Variants in TENM1 observed in about 807,000 individuals in gnomAD.
TENM1 encodes the protein teneurin-1.
In TENM1, 35 loss-of-function variants were observed where a neutral mutation model predicts 174.8. The observed-to-expected ratio is 0.20, with a 90% CI of 0.15 to 0.27. The LOEUF is 0.27. Ranked by LOEUF, TENM1 falls within the 10% of genes least tolerant of loss-of-function variation. The pLI, the probability that TENM1 is intolerant of heterozygous loss-of-function variation, is 1.00. For synonymous variants in TENM1, 781 were observed against 798.7 expected (o/e 0.98, Z 0.37); for missense variants, 1,633 against 2,130.1 (o/e 0.77, Z 4.59).
At chrX:124,508,538 T>TATC (rs1414954801) in intron 18 of TENM1, among the ~76,000 whole-genome samples, 1 of 112,191 alleles carries the variant, frequency 8.9e-6, no homozygotes, top group African/African-American at 3.2e-5. Context: ...ATCTTTACCC[T>TATC]ATCTATTTAC....
At chrX:125,142,024 G>A in the TENM1 span, among the ~76,000 whole-genome samples, 1 of 111,720 alleles carries the variant, frequency 9.0e-6, no homozygotes, top group Non-Finnish European at 1.9e-5. Context: ...ATTTAAATTA[G>A]AGAATACTAT....
At chrX:125,105,258 A>C in the TENM1 span, among the ~76,000 whole-genome samples, 4 of 111,707 alleles carry the variant, frequency 3.6e-5, no homozygotes, top group East Asian at 2.8e-4. Flanking sequence ...TGGAATCCCA[A>C]ACCACAGAGA....
intron 25 of TENM1, among the ~76,000 whole-genome samples, chrX:124,420,033 C>T (rs1045079944): frequency 8.0e-5 from 9 of 111,918 alleles, no homozygotes; most frequent in Non-Finnish European, 1.5e-4. Context: ...TTCTTGAGTA[C>T]TTGTACTTCT....
intron 22 of TENM1, among the ~76,000 whole-genome samples, chrX:124,463,218 A>G (rs2061198994): frequency 8.9e-6 from 1 of 111,802 alleles, no homozygotes; most frequent in Non-Finnish European, 1.9e-5. Flanking sequence ...GATTTTTCTT[A>G]CAGAATAGCT....
At chrX:125,003,561 G>GGGGAAAGA in the TENM1 span, among the ~76,000 whole-genome samples, 32 of 111,458 alleles carry the variant, frequency 2.9e-4, no homozygotes, top group Admixed American at 3.1e-3. Context: ...AAAGCCTCAA[G>GGGGAAAGA]GGGAAAGAGT....
At chrX:124,829,137 C>T (rs1324342156) in intron 3 of TENM1, among the ~76,000 whole-genome samples, 6 of 111,925 alleles carry the variant, frequency 5.4e-5, no homozygotes, top group Non-Finnish European at 1.1e-4. Flanking sequence ...CCATCCTGGG[C>T]TAACAGCCAG....
intron 3 of TENM1, among the ~76,000 whole-genome samples, chrX:124,869,850 G>T (rs905018898): frequency 2.7e-5 from 3 of 109,247 alleles, no homozygotes; most frequent in African/African-American, 1.0e-4. Flanking sequence ...GGCTGTGGGG[G>T]GAGGTGGGGG....
Position 124,471,362 on chromosome X carries a change from AG to A in TENM1, c.3949+10369del, listed in dbSNP as rs2061317861. ...ATATATAATATATATTATAATATAT[AG>A]TACTATATATTATAATATATAGTAC... On this transcript the variant is annotated intron_variant, in intron 22 of 31. Transcript: ENST00000422452. Among the ~76,000 whole-genome samples, 3 of 40,841 alleles carry A rather than the reference AG, an allele frequency of 7.3e-5. 1 individual carries two copies. The highest frequency in any genetic ancestry group is 4.8e-4 in the Admixed American group (1 of 2,077). The allele number at this position is 40,841 out of a possible 115,157, so 35.5% of individuals were successfully genotyped here. A position where few individuals can be genotyped will look rare whatever the true frequency, so the allele number is the denominator to read the frequency against.
chrX:124,963,447 T>G (rs1381899583), intron 1 of TENM1, 90 bp downstream of exon 4: 1 of 821,612 alleles, frequency 1.2e-6, no homozygotes, highest in African/African-American at 2.0e-5. Flanking sequence ...CAGTTAACAT[T>G]AGCAAATTTA....
chrX:124,629,734 T>C (rs1159019946), intron 11 of TENM1, among the ~76,000 whole-genome samples: 1 of 112,315 alleles, frequency 8.9e-6, no homozygotes, highest in African/African-American at 3.2e-5. Context: ...TGTCTGAATT[T>C]TTCCATGCTG....
chrX:124,518,022 C>T (rs180870374), intron 18 of TENM1, among the ~76,000 whole-genome samples: 13 of 109,902 alleles, frequency 1.2e-4, no homozygotes, highest in African/African-American at 2.7e-4. Flanking sequence ...GCAGAGAGTT[C>T]GAATTAAGGC....
At chrX:124,939,464 C>T (rs2147745739) in intron 1 of TENM1, among the ~76,000 whole-genome samples, 1 of 111,508 alleles carries the variant, frequency 9.0e-6, no homozygotes, top group Admixed American at 9.6e-5. Context: ...TGTTTCTGCA[C>T]CTGGACTGAT....
chrX:124,667,538 C>T (rs1406592387), intron 6 of TENM1, among the ~76,000 whole-genome samples: 8 of 105,293 alleles, frequency 7.6e-5, no homozygotes, highest in South Asian at 4.4e-4. Context: ...TGCAGTGAGC[C>T]GAGATTGCAC....
intron 27 of TENM1, among the ~76,000 whole-genome samples, chrX:124,400,012 C>A (rs1449455754): frequency 9.0e-6 from 1 of 110,952 alleles, no homozygotes; most frequent in Non-Finnish European, 1.9e-5. Context: ...TTGGAAGCCC[C>A]AAGAATTCCT....
chrX:125,159,860 G>C, the TENM1 span, among the ~76,000 whole-genome samples: 2 of 111,484 alleles, frequency 1.8e-5, no homozygotes, highest in Non-Finnish European at 3.8e-5. Context: ...GAGATTTTGA[G>C]ACCCAAAGGA....
At chrX:124,994,239 GGC>G in the TENM1 span, among the ~76,000 whole-genome samples, 4 of 68,736 alleles carry the variant, frequency 5.8e-5, no homozygotes, top group African/African-American at 1.2e-4. Flanking sequence ...TTTTTTTTTT[GGC>G]AATTGACCAA....
the TENM1 span, among the ~76,000 whole-genome samples, chrX:125,123,185 G>A: frequency 2.6e-4 from 29 of 111,253 alleles, no homozygotes; most frequent in Middle Eastern, 4.6e-3. Context: ...TATCTTTAAC[G>A]GTCCTTACAC....
chrX:124,615,581 C>G (rs1345663129), intron 11 of TENM1, among the ~76,000 whole-genome samples: 1 of 112,091 alleles, frequency 8.9e-6, no homozygotes, highest in Admixed American at 9.5e-5. Flanking sequence ...CAAAAAGTAA[C>G]AATTTATCCA....
At chrX:124,616,696 A>G (rs1258421392) in intron 11 of TENM1, among the ~76,000 whole-genome samples, 1 of 112,487 alleles carries the variant, frequency 8.9e-6, no homozygotes, top group Non-Finnish European at 1.9e-5. Context: ...CTGTGAAGAC[A>G]GGAAATGGGT....
Sources: gnomAD v4.1 joint callset for allele counts (sites outside exome capture counted in the v4.1 genomes callset) on GRCh38, gnomAD v4.1.1 for gene constraint, MANE v1.5 for transcripts, NCBI Gene and HGNC (gene_info 2026-07-23, HGNC 2026-07-21) for gene names.